Variants in GLT1D1 observed in about 807,000 individuals in gnomAD.
GLT1D1 encodes glycosyltransferase 1 domain-containing protein 1.
A neutral mutation model predicts 28.7 loss-of-function variants in GLT1D1; 21 were observed. The observed-to-expected ratio is 0.73, with a 90% confidence interval of 0.52 to 1.05. GLT1D1 has a LOEUF of 1.05. GLT1D1 is among the 50% of genes least tolerant of loss of function. The probability of loss-of-function intolerance (pLI) is 0.00; values close to 1 mark genes in which losing one functional copy is unlikely to be tolerated. For synonymous variants in GLT1D1, 147 were observed against 124.8 expected, an observed-to-expected ratio of 1.18 and a Z score of -1.19; for missense variants, 343 against 330.6, an observed-to-expected ratio of 1.04 and a Z score of -0.29.
chr12:128,856,922 G>A (rs1956239624), intron 1 of GLT1D1, among the ~76,000 whole-genome samples: 1 of 152,066 alleles, frequency 6.6e-6, no homozygotes, highest in South Asian at 2.1e-4. Context: ...CCAAGATGGC[G>A]CCACTGCACA....
At chr12:128,943,898 G>A (rs1278978624) in intron 4 of GLT1D1, among the ~76,000 whole-genome samples, 1 of 152,140 alleles carries the variant, frequency 6.6e-6, no homozygotes, top group Non-Finnish European at 1.5e-5. Context: ...TTCCCCCAAT[G>A]ACATGTAACT....
Position 128,881,534 on chromosome 12 carries a change from G to GAAAAAAAAAAAA in GLT1D1, c.217+5489_217+5500dup, listed in dbSNP as rs1161429342. Among the ~76,000 whole-genome samples the GAAAAAAAAAAAA allele has an allele frequency of 1.3e-4, 3 of 23,918 alleles. 1 individual carries two copies. The highest frequency in any genetic ancestry group is 2.3e-4 in the Non-Finnish European group (3 of 12,852). The allele number at this position is 23,918 out of a possible 152,430, so 15.7% of individuals were successfully genotyped here. On this transcript the variant is annotated intron_variant, in intron 2 of 7. Transcript: ENST00000281703. Reference sequence around the variant, plus strand: ...GGGCAACAGAGTGAGACTCTGTATCGAAAAAAAAAAAAAAAAAAAAAAAAA... The same window carrying GAAAAAAAAAAAA: ...GGGCAACAGAGTGAGACTCTGTATCGAAAAAAAAAAAAAAAAAAAAAAAAAAAAAAAAAAAAA...
chr12:128,970,163 G>A (rs1345330516), intron 7 of GLT1D1, among the ~76,000 whole-genome samples: 1 of 152,202 alleles, frequency 6.6e-6, no homozygotes, highest in African/African-American at 2.4e-5. Context: ...TAGAAGCCGG[G>A]CCAGGGTCTG....
At chr12:128,944,996 T>C (rs1401270798) in intron 4 of GLT1D1, 1 of 590,754 alleles carries the variant, frequency 1.7e-6, no homozygotes, top group Non-Finnish European at 3.1e-6. Context: ...CCTCCCTGTG[T>C]CCATGTGTTC....
At chr12:128,929,796 A>G (rs537945662) in intron 4 of GLT1D1, among the ~76,000 whole-genome samples, 5 of 152,272 alleles carry the variant, frequency 3.3e-5, no homozygotes, top group Non-Finnish European at 7.4e-5. Context: ...CCCCGTCTCT[A>G]CTAAAAGTAC....
intron 4 of GLT1D1, among the ~76,000 whole-genome samples, chr12:128,923,748 C>T (rs1872894495): frequency 6.6e-6 from 1 of 151,998 alleles, no homozygotes; most frequent in African/African-American, 2.4e-5. Flanking sequence ...TCTCGAACTC[C>T]TGACCTCAGG....
chr12:128,887,765 C>A (rs532352677), intron 2 of GLT1D1, among the ~76,000 whole-genome samples: 2 of 152,308 alleles, frequency 1.3e-5, no homozygotes, highest in South Asian at 4.1e-4. Flanking sequence ...AGATCAGTAT[C>A]TTCTCCTTTA....
chr12:128,966,815 T>A (rs893392473), intron 7 of GLT1D1, among the ~76,000 whole-genome samples: 6 of 152,210 alleles, frequency 3.9e-5, no homozygotes, highest in African/African-American at 9.7e-5. Flanking sequence ...AAAATGACGA[T>A]TAAACATATT....
intron 7 of GLT1D1, among the ~76,000 whole-genome samples, chr12:128,964,211 G>A (rs1878236914): frequency 6.6e-6 from 1 of 152,222 alleles, no homozygotes; most frequent in Non-Finnish European, 1.5e-5. Context: ...GAGAAACCCT[G>A]TCTCTACAAA....
chr12:128,956,916 A>G (rs1448005114), intron 6 of GLT1D1, among the ~76,000 whole-genome samples: 2 of 152,210 alleles, frequency 1.3e-5, no homozygotes, highest in African/African-American at 4.8e-5. Context: ...CACTGTAGAA[A>G]GAGAACCCGC....
intron 6 of GLT1D1, among the ~76,000 whole-genome samples, chr12:128,948,144 AAAGATCC>A (rs1447588719): frequency 2.0e-5 from 3 of 152,092 alleles, no homozygotes; most frequent in Non-Finnish European, 4.4e-5. Flanking sequence ...CTCTTCTGTA[AAAGATCC>A]TGGCAATCCT....
At chr12:128,886,737 T>C (rs1868430546) in intron 2 of GLT1D1, among the ~76,000 whole-genome samples, 1 of 151,528 alleles carries the variant, frequency 6.6e-6, no homozygotes, top group Non-Finnish European at 1.5e-5. Flanking sequence ...GTAATACCCC[T>C]CCCCTGTCCC....
intron 1 of GLT1D1, among the ~76,000 whole-genome samples, chr12:128,875,271 ATGGCAAATGCCACTGGAGG>A (rs1392775126): frequency 6.6e-6 from 1 of 152,210 alleles, no homozygotes; most frequent in Non-Finnish European, 1.5e-5. Flanking sequence ...GCTGTCTGGT[ATGGCAAATGCCACTGGAGG>A]TGGCAGTGTG....
In GLT1D1 at chr12:128,965,710, T is replaced by TA. The variant is rs757636287; in HGVS notation, c.639+8092dup. 1.5e-3 allele frequency among the ~76,000 whole-genome samples: 157 copies of TA among 104,650 alleles called. 2 individuals carry two copies. The highest frequency in any genetic ancestry group is 0.014 in the East Asian group (42 of 3,076). 68.7% of individuals were successfully genotyped at this position (104,650 alleles called of 152,430 possible). On this transcript the variant is annotated intron_variant, in intron 7 of 7. Transcript: ENST00000281703. ...AACATGGCAAAGTCTTGTCTCTGCT[T>TA]AAAAAAAAAAAAAAAAAAAAAAAAA...
At chr12:128,924,855 A>G (rs1286598768) in intron 4 of GLT1D1, among the ~76,000 whole-genome samples, 1 of 152,094 alleles carries the variant, frequency 6.6e-6, no homozygotes, top group African/African-American at 2.4e-5. Context: ...ACATATGGCC[A>G]CTGCCACTGA....
chr12:128,950,519 A>C (rs988658236), intron 6 of GLT1D1, among the ~76,000 whole-genome samples: 2 of 152,216 alleles, frequency 1.3e-5, no homozygotes, highest in African/African-American at 2.4e-5. Context: ...ACCTCTCTGC[A>C]AGAAAATCTA....
At chr12:128,955,520 T>A (rs1461615512) in intron 6 of GLT1D1, among the ~76,000 whole-genome samples, 5 of 244 alleles carry the variant, frequency 0.02, no homozygotes, top group Non-Finnish European at 0.061. Context: ...GGTGTTGTAT[T>A]TTTTTTTTTT....
At chr12:128,896,228 G>GT (rs1323280057) in intron 3 of GLT1D1, among the ~76,000 whole-genome samples, 1 of 152,108 alleles carries the variant, frequency 6.6e-6, no homozygotes, top group Non-Finnish European at 1.5e-5. Flanking sequence ...TAAGGGAGTA[G>GT]TTTTTATAAT....
chr12:128,874,061 T>C (rs192333101), intron 1 of GLT1D1, among the ~76,000 whole-genome samples: 1,400 of 29,842 alleles, frequency 0.047, 91 homozygotes, highest in African/African-American at 0.077. Flanking sequence ...CCCTCCCTCC[T>C]TTCTTTCTTT....
Sources: allele counts gnomAD v4.1 joint callset (sites outside exome capture counted in the v4.1 genomes callset), GRCh38; gene constraint gnomAD v4.1.1; transcripts MANE v1.5; gene names NCBI Gene and HGNC (gene_info 2026-07-23, HGNC 2026-07-21).